CRYBG1: variants seen among roughly 807,000 people sequenced by gnomAD.
CRYBG1 encodes the protein crystallin beta-gamma domain containing 1, also known as beta/gamma crystallin domain-containing protein 1.
Under a neutral mutation model 189.2 loss-of-function variants are expected in CRYBG1, and 139 were observed. That is an observed-to-expected ratio of 0.73 (90% CI 0.64 to 0.85). CRYBG1 has a LOEUF of 0.85. Ranked by LOEUF, CRYBG1 falls within the 40% of genes least tolerant of loss-of-function variation. The pLI, the probability that CRYBG1 is intolerant of heterozygous loss-of-function variation, is 0.00. For synonymous variants in CRYBG1, 1,023 were observed against 1,017.1 expected, an observed-to-expected ratio of 1.01 and a Z score of -0.11; for missense variants, 2,611 against 2,675.8, an observed-to-expected ratio of 0.98 and a Z score of 0.53.
chr6:106,423,003 C>G (rs1353961241), intron 1 of CRYBG1, among the ~76,000 whole-genome samples: 1 of 152,136 alleles, frequency 6.6e-6, no homozygotes, highest in East Asian at 1.9e-4. Context: ...GTGAATTGCT[C>G]CCGTAGATAA....
chr6:106,512,103 GCAACGCCCGCAGCCAGCCCCC>G lies in CRYBG1; in HGVS notation c.990_1010del (p.Asn330_Pro336del). 1 of 1,534,430 alleles carries G rather than the reference GCAACGCCCGCAGCCAGCCCCC, an allele frequency of 6.5e-7. No individual in the cohort carries two copies. The highest frequency in any genetic ancestry group is 8.7e-7 in the Non-Finnish European group (1 of 1,146,182). On this transcript the variant is annotated inframe_deletion, in exon 3 of 22. Coordinates refer to ENST00000633556, the MANE Select transcript of CRYBG1 (RefSeq NM_001371242.2). ...GCCGAAGAAGGCTCCCTGGGGCCCC[GCAACGCCCGCAGCCAGCCCCC>G]CAAGGGCGCGTCTGATTTGCCAGGT... is the stretch of plus-strand genomic sequence containing the variant.
rs747341493 is a variant in CRYBG1, at chr6:106,530,220, G to A, written c.4623G>A (p.Gly1541=). 9.3e-6 allele frequency: 15 copies of A among 1,613,404 alleles called. No homozygotes were observed. In the East Asian group the frequency reaches 3.1e-4, roughly 34 times the overall value. Residue 1541 remains glycine (G), a synonymous_variant, in exon 8 of 22, where the codon GGG becomes GGA. Transcript: ENST00000633556. ...TTGACTTATTTACTGAACCAGAAGGGTTAGGAATCCTAAGTTCCTACTTTG... is the reference window on the plus strand; with the variant it reads ...TTGACTTATTTACTGAACCAGAAGGATTAGGAATCCTAAGTTCCTACTTTG... The part of the protein sequence containing the change: ...SHIDLFTEPE[G]LGILSSYFDD...
At chr6:106,496,690 G>A (rs1472011290) in intron 2 of CRYBG1, among the ~76,000 whole-genome samples, 2 of 152,186 alleles carry the variant, frequency 1.3e-5, no homozygotes, top group African/African-American at 4.8e-5. Context: ...GTAAACTTAG[G>A]TTGGTGAGAA....
chr6:106,384,886 G>A (rs950913270), intron 1 of CRYBG1, among the ~76,000 whole-genome samples: 3 of 96,292 alleles, frequency 3.1e-5, no homozygotes, highest in Admixed American at 1.0e-4. Flanking sequence ...TTTGTGTTTG[G>A]GGTGCAGTCT....
intron 16 of CRYBG1, among the ~76,000 whole-genome samples, chr6:106,554,347 C>A (rs1261538869): frequency 6.6e-6 from 1 of 152,212 alleles, no homozygotes; most frequent in Non-Finnish European, 1.5e-5. Context: ...GGTGCAGTGG[C>A]TCCTGCCTGT....
intron 2 of CRYBG1, among the ~76,000 whole-genome samples, chr6:106,495,349 C>T (rs1048424665): frequency 6.6e-6 from 1 of 151,986 alleles, no homozygotes; most frequent in African/African-American, 2.4e-5. Flanking sequence ...GCACACACGG[C>T]TACATTTTAC....
chr6:106,389,813 G>GA (rs1770466363), intron 1 of CRYBG1, among the ~76,000 whole-genome samples: 2 of 151,790 alleles, frequency 1.3e-5, no homozygotes, highest in African/African-American at 4.8e-5. Flanking sequence ...CATATGTTTT[G>GA]GTTCAGTCGA....
At chr6:106,440,257 TCTCTCTCTCTC>T (rs1337590149) in intron 1 of CRYBG1, among the ~76,000 whole-genome samples, 1 of 123,556 alleles carries the variant, frequency 8.1e-6, no homozygotes, top group African/African-American at 2.9e-5. Context: ...TCTCTCTCTC[TCTCTCTCTCTC>T]TTTTTTTTTC....
intron 1 of CRYBG1, among the ~76,000 whole-genome samples, chr6:106,403,989 G>A (rs1473266646): frequency 6.6e-6 from 1 of 152,230 alleles, no homozygotes; most frequent in Admixed American, 6.5e-5. Context: ...CAGCTGAAAA[G>A]TATCAAAGTT....
chr6:106,539,637 TGTA>T (rs757159955), intron 9 of CRYBG1, 108 bp downstream of exon 9: 63 of 1,285,904 alleles, frequency 4.9e-5, no homozygotes, highest in Non-Finnish European at 6.5e-5. Context: ...GAAACAAATT[TGTA>T]GTAGATTGGA....
intron 1 of CRYBG1, among the ~76,000 whole-genome samples, chr6:106,366,890 T>C (rs902756695): frequency 1.3e-5 from 2 of 152,140 alleles, no homozygotes; most frequent in African/African-American, 4.8e-5. Flanking sequence ...ACTTTGTGAG[T>C]GGAGTAAAAA....
intron 3 of CRYBG1, among the ~76,000 whole-genome samples, chr6:106,517,451 C>CATATATAT (rs1562099261): frequency 8.7e-5 from 12 of 137,932 alleles, no homozygotes; most frequent in Middle Eastern, 3.7e-3. Context: ...TATATATACA[C>CATATATAT]ACATATATAT....
At chr6:106,458,191 T>A (rs1771928376) in intron 2 of CRYBG1, among the ~76,000 whole-genome samples, 1 of 152,248 alleles carries the variant, frequency 6.6e-6, no homozygotes, top group African/African-American at 2.4e-5. Flanking sequence ...CATGTCTAAT[T>A]GTTAATGATT....
intron 2 of CRYBG1, among the ~76,000 whole-genome samples, chr6:106,470,264 G>A (rs1772204301): frequency 6.6e-6 from 1 of 152,130 alleles, no homozygotes; most frequent in Admixed American, 6.5e-5. Context: ...GGTCAAGGGT[G>A]CAATGAGCTG....
At chr6:106,443,882 C>A (rs116782880) in intron 1 of CRYBG1, among the ~76,000 whole-genome samples, 8,046 of 152,114 alleles carry the variant, frequency 0.053, 489 homozygotes, top group East Asian at 0.18. Flanking sequence ...CAATTATTTT[C>A]TTTTAGTTAT....
chr6:106,519,020 T>G, intron 3 of CRYBG1, 111 bp from the exon 4 acceptor site: 1 of 1,039,788 alleles, frequency 9.6e-7, no homozygotes, highest in Non-Finnish European at 1.4e-6. Flanking sequence ...ACACTCCAAA[T>G]GTTATATATC....
chr6:106,378,163 C>A (rs1480923153), intron 1 of CRYBG1, among the ~76,000 whole-genome samples: 1 of 152,162 alleles, frequency 6.6e-6, no homozygotes, highest in Non-Finnish European at 1.5e-5. Flanking sequence ...TTTCTGGAAG[C>A]CTTGAGCATT....
chr6:106,522,949 A>G (rs1038267075), intron 4 of CRYBG1, among the ~76,000 whole-genome samples: 2 of 152,076 alleles, frequency 1.3e-5, no homozygotes, highest in African/African-American at 4.8e-5. Flanking sequence ...ATGATTGAGA[A>G]CCCCAACGAG....
At chr6:106,481,512 G>T (rs893765240) in intron 2 of CRYBG1, among the ~76,000 whole-genome samples, 2 of 152,090 alleles carry the variant, frequency 1.3e-5, no homozygotes, top group Admixed American at 1.3e-4. Flanking sequence ...CTCTGAAAGA[G>T]AGGGAGAAGC....
Sources: gnomAD v4.1 joint callset for allele counts (sites outside exome capture counted in the v4.1 genomes callset) on GRCh38, gnomAD v4.1.1 for gene constraint, MANE v1.5 for transcripts, NCBI Gene and HGNC (gene_info 2026-07-23, HGNC 2026-07-21) for gene names.